TNNI3K: variants seen among roughly 807,000 people sequenced by gnomAD.
TNNI3K encodes TNNI3 interacting kinase.
TNNI3K carries 140 observed loss-of-function variants against 114.5 expected under a neutral mutation model. The ratio of observed to expected loss-of-function variants is 1.22; its 90% CI spans 1.07 to 1.41. TNNI3K has a LOEUF of 1.41. Ranked by LOEUF, TNNI3K falls within the 40% of genes most tolerant of loss-of-function variation. The probability of loss-of-function intolerance (pLI) is 0.00; values close to 1 mark genes in which losing one functional copy is unlikely to be tolerated. For missense variants in TNNI3K, 1,125 were observed against 1,007.6 expected, an observed-to-expected ratio of 1.12 and a Z score of -1.58; for synonymous variants, 347 against 347.5, an observed-to-expected ratio of 1.00 and a Z score of 0.02.
At chr1:74,378,606 A>ATATATATG (rs1553138836) in intron 17 of TNNI3K, 6 of 61,976 alleles carry the variant, frequency 9.7e-5, no homozygotes, top group African/African-American at 4.5e-4. Context: ...ATATATATAT[A>ATATATATG]TATATATATA....
At chr1:74,353,027 A>C (rs1016869954) in intron 9 of TNNI3K, among the ~76,000 whole-genome samples, 6 of 151,958 alleles carry the variant, frequency 3.9e-5, no homozygotes, top group African/African-American at 1.2e-4. Flanking sequence ...TGCAGAAATC[A>C]CCCATCTTCT....
At chr1:74,237,316 C>A (rs1653917687) in intron 2 of TNNI3K, among the ~76,000 whole-genome samples, 1 of 151,740 alleles carries the variant, frequency 6.6e-6, no homozygotes. Flanking sequence ...ATTTGAAATT[C>A]CTGTAGAAAT....
At chr1:74,271,811 T>C (rs917611237) in intron 5 of TNNI3K, 103 bp downstream of exon 5, 5 of 1,018,186 alleles carry the variant, frequency 4.9e-6, no homozygotes, top group South Asian at 1.8e-5. Flanking sequence ...TACAAGTTGG[T>C]TTATTTTTTA....
At chr1:74,325,334 C>T (rs1000193163) in intron 5 of TNNI3K, among the ~76,000 whole-genome samples, 2 of 152,104 alleles carry the variant, frequency 1.3e-5, no homozygotes, top group African/African-American at 2.4e-5. Context: ...TTTCATCCAT[C>T]GCTCAGCCAG....
chr1:74,369,746 CTG>C (rs1368652828), intron 16 of TNNI3K, 161 bp downstream of exon 16: 5 of 776,186 alleles, frequency 6.4e-6, no homozygotes, highest in African/African-American at 1.8e-5. Flanking sequence ...TGCCTAATAA[CTG>C]TGTTTCAATG....
intron 21 of TNNI3K, among the ~76,000 whole-genome samples, chr1:74,467,765 TC>T (rs1038364905): frequency 6.6e-6 from 1 of 152,156 alleles, no homozygotes; most frequent in Non-Finnish European, 1.5e-5. Flanking sequence ...AACTATGTAT[TC>T]CAGATTACCC....
At chr1:74,236,349 A>C (rs922528322) in intron 2 of TNNI3K, 139 bp downstream of exon 2, 12 of 632,672 alleles carry the variant, frequency 1.9e-5, no homozygotes, top group Admixed American at 7.6e-5. Context: ...ATGTCAGATT[A>C]TCTCTCTTTG....
intron 5 of TNNI3K, among the ~76,000 whole-genome samples, chr1:74,322,938 T>C (rs1659701195): frequency 6.6e-6 from 1 of 152,196 alleles, no homozygotes; most frequent in Admixed American, 6.5e-5. Context: ...ACAGTTTTCC[T>C]AGAAAGATCC....
At chr1:74,298,565 A>G (rs1178849621) in intron 5 of TNNI3K, among the ~76,000 whole-genome samples, 3 of 152,124 alleles carry the variant, frequency 2.0e-5, no homozygotes, top group South Asian at 2.1e-4. Flanking sequence ...TAAATCTGCA[A>G]TAGACTTTGT....
intron 17 of TNNI3K, among the ~76,000 whole-genome samples, chr1:74,398,623 C>T (rs917343608): frequency 6.6e-6 from 1 of 152,098 alleles, no homozygotes; most frequent in Non-Finnish European, 1.5e-5. Flanking sequence ...GAGGCCTTCC[C>T]CCTCCCAACT....
At chr1:74,448,653 T>C (rs1666832397) in intron 20 of TNNI3K, among the ~76,000 whole-genome samples, 1 of 79,498 alleles carries the variant, frequency 1.3e-5, no homozygotes, top group Non-Finnish European at 2.5e-5. Flanking sequence ...ACCTAATTTA[T>C]TGAGAGTTTT....
At chr1:74,330,980 A>G (rs2100411226) in intron 5 of TNNI3K, among the ~76,000 whole-genome samples, 1 of 152,324 alleles carries the variant, frequency 6.6e-6, no homozygotes, top group East Asian at 1.9e-4. Context: ...TGAAAGTTAT[A>G]TGAGATTTAT....
intron 20 of TNNI3K, among the ~76,000 whole-genome samples, chr1:74,445,756 G>A (rs933639713): frequency 1.1e-3 from 166 of 150,804 alleles, no homozygotes; most frequent in African/African-American, 3.6e-3. Flanking sequence ...GACTACAGGC[G>A]CCCGCCACTA....
intron 9 of TNNI3K, among the ~76,000 whole-genome samples, chr1:74,347,204 T>C (rs1386177497): frequency 7.5e-6 from 1 of 132,996 alleles, no homozygotes; most frequent in African/African-American, 2.8e-5. Flanking sequence ...CGTGTGTCCA[T>C]GTGTTCTCAT....
chr1:74,305,557 G>A (rs1175024288), intron 5 of TNNI3K, among the ~76,000 whole-genome samples: 1 of 152,156 alleles, frequency 6.6e-6, no homozygotes. Context: ...CTGCCAAGTG[G>A]AAGGGGCACA....
At chr1:74,525,397 A>T (rs1646489961) in intron 23 of TNNI3K, among the ~76,000 whole-genome samples, 2 of 152,190 alleles carry the variant, frequency 1.3e-5, no homozygotes, top group African/African-American at 4.8e-5. Context: ...AATTTTGCTT[A>T]AGGACAGCAG....
At chr1:74,291,844 G>A (rs927791182) in intron 5 of TNNI3K, among the ~76,000 whole-genome samples, 1 of 151,416 alleles carries the variant, frequency 6.6e-6, no homozygotes, top group African/African-American at 2.4e-5. Context: ...TACAAAGCAT[G>A]GGTTTAACTT....
intron 7 of TNNI3K, among the ~76,000 whole-genome samples, chr1:74,340,006 G>A (rs1359667126): frequency 2.6e-5 from 4 of 151,998 alleles, no homozygotes; most frequent in African/African-American, 7.2e-5. Flanking sequence ...TCCAGCCATA[G>A]GAAGTGTTTT....
rs1346218589 is a variant in TNNI3K at position 74,451,821 on chromosome 1, G to A, written c.2012-11620G>A. ...GGGACCTCCAGTACAATGTTGAATT[G>A]AAGTGGTAAGATATATACCTCAGAT... is the stretch of plus-strand genomic sequence containing the variant. On this transcript the variant is annotated intron_variant, in intron 20 of 24. Transcript: ENST00000326637. Among the ~76,000 whole-genome samples the A allele has an allele frequency of 2.7e-5, 4 of 147,834 alleles. No individual in the cohort carries two copies. The Admixed American group carries it at 2.8e-4, about 10-fold the overall frequency.
Sources: gnomAD v4.1 joint callset for allele counts (sites outside exome capture counted in the v4.1 genomes callset) on GRCh38, gnomAD v4.1.1 for gene constraint, MANE v1.5 for transcripts, NCBI Gene and HGNC (gene_info 2026-07-23, HGNC 2026-07-21) for gene names.